NUMB: variants seen among roughly 807,000 people sequenced by gnomAD.
NUMB encodes the protein protein numb homolog.
In NUMB, 29 loss-of-function variants were observed where a neutral mutation model predicts 59.7. The ratio of observed to expected loss-of-function variants is 0.49; its 90% confidence interval spans 0.36 to 0.66. NUMB has a LOEUF of 0.66. NUMB is among the 30% of genes least tolerant of loss of function. NUMB has a pLI of 0.00. For missense variants in NUMB, 723 were observed against 822.0 expected (o/e 0.88, Z 1.47); for synonymous variants, 288 against 288.2 (o/e 1.00, Z 0.01).
At chr14:73,367,999 T>A (rs1279232308) in intron 2 of NUMB, among the ~76,000 whole-genome samples, 2 of 151,846 alleles carry the variant, frequency 1.3e-5, no homozygotes, top group Non-Finnish European at 2.9e-5. Context: ...AAACAAAAAA[T>A]TCCATTTATT....
intron 1 of NUMB, among the ~76,000 whole-genome samples, chr14:73,436,607 C>T (rs2140178329): frequency 6.6e-6 from 1 of 152,126 alleles, no homozygotes; most frequent in East Asian, 1.9e-4. Context: ...CGTGAGCCAC[C>T]GTGCCCAGCT....
At chr14:73,427,604 T>C (rs1369753646) in intron 1 of NUMB, among the ~76,000 whole-genome samples, 4 of 151,894 alleles carry the variant, frequency 2.6e-5, no homozygotes, top group Admixed American at 2.6e-4. Context: ...CTAGAGGCAA[T>C]CAAAACTACT....
intron 1 of NUMB, among the ~76,000 whole-genome samples, chr14:73,424,132 T>TAC (rs1484199182): frequency 1.3e-5 from 2 of 152,100 alleles, no homozygotes; most frequent in African/African-American, 4.8e-5. Flanking sequence ...TCTCTCTCTA[T>TAC]ATATAGAATC....
intron 2 of NUMB, among the ~76,000 whole-genome samples, chr14:73,398,380 GAGAGACAC>G (rs1371463838): frequency 8.1e-6 from 1 of 123,682 alleles, no homozygotes; most frequent in African/African-American, 3.2e-5. Flanking sequence ...GTATATGAGA[GAGAGACAC>G]ACACAGAGAG....
intron 4 of NUMB, among the ~76,000 whole-genome samples, chr14:73,325,629 T>C (rs528576261): frequency 6.6e-6 from 1 of 152,318 alleles, no homozygotes; most frequent in South Asian, 2.1e-4. Flanking sequence ...GCTTCTTCCT[T>C]TTAGGTTGAC....
At chr14:73,369,686 T>A (rs1894566571) in intron 2 of NUMB, among the ~76,000 whole-genome samples, 1 of 152,206 alleles carries the variant, frequency 6.6e-6, no homozygotes, top group African/African-American at 2.4e-5. Flanking sequence ...CTTAAAAGTG[T>A]CCTTAGTAAC....
At chr14:73,357,783 T>C (rs774021415) in intron 3 of NUMB, among the ~76,000 whole-genome samples, 12 of 146,264 alleles carry the variant, frequency 8.2e-5, no homozygotes, top group Non-Finnish European at 1.4e-4. Context: ...AGTAAATAAA[T>C]AAAGGAACAT....
At chr14:73,307,691 G>A (rs1890531391) in intron 6 of NUMB, among the ~76,000 whole-genome samples, 1 of 151,446 alleles carries the variant, frequency 6.6e-6, no homozygotes, top group African/African-American at 2.4e-5. Context: ...GCTACTGGAG[G>A]ACATGGGACA....
In NUMB at chr14:73,290,147, G is replaced by A. The variant is rs558048469; in HGVS notation, c.450+2587C>T. Among the ~76,000 whole-genome samples the A allele has an allele frequency of 2.0e-5, 3 of 152,288 alleles. No homozygotes were observed. In the East Asian group the frequency reaches 5.8e-4, roughly 29 times the overall value. The stretch of plus-strand genomic sequence containing the variant: ...AAAATGGTTTTTAAGTTATTATCTG[G>A]AAACTCTTGAACTCCAGATTTTTAA... On this transcript the variant is annotated intron_variant, in intron 8 of 12. Coordinates refer to ENST00000555238, the MANE Select transcript of NUMB (RefSeq NM_001005743.2).
chr14:73,289,681 A>G (rs930789760), intron 8 of NUMB, among the ~76,000 whole-genome samples: 1 of 152,226 alleles, frequency 6.6e-6, no homozygotes, highest in African/African-American at 2.4e-5. Context: ...ACTTTTTAAA[A>G]AAACTTTTGA....
intron 1 of NUMB, among the ~76,000 whole-genome samples, chr14:73,430,266 G>A (rs1016940669): frequency 6.6e-6 from 1 of 151,990 alleles, no homozygotes; most frequent in Non-Finnish European, 1.5e-5. Flanking sequence ...GACCATTCTG[G>A]TAAGTGTACA....
At chr14:73,382,624 A>G (rs1244633440) in intron 2 of NUMB, among the ~76,000 whole-genome samples, 1 of 152,144 alleles carries the variant, frequency 6.6e-6, no homozygotes, top group African/African-American at 2.4e-5. Context: ...CATAAAACAA[A>G]GCCTCAGATC....
At chr14:73,343,533 C>T (rs554012704) in intron 4 of NUMB, among the ~76,000 whole-genome samples, 2 of 152,316 alleles carry the variant, frequency 1.3e-5, no homozygotes, top group South Asian at 2.1e-4. Context: ...ACAAAGTAAT[C>T]GCTTCCTTAG....
chr14:73,374,719 CTTTTTT>C (rs368185389), intron 2 of NUMB, among the ~76,000 whole-genome samples: 24 of 119,318 alleles, frequency 2.0e-4, no homozygotes, highest in Middle Eastern at 5.4e-3. Context: ...GTTACATTAA[CTTTTTT>C]TTTTTTTTTT....
At chr14:73,370,009 C>T (rs1290273459) in intron 2 of NUMB, among the ~76,000 whole-genome samples, 1 of 152,104 alleles carries the variant, frequency 6.6e-6, no homozygotes. Flanking sequence ...TGGTTTCTTT[C>T]ACTCAATATT....
At chr14:73,360,377 G>A (rs1176203811) in intron 3 of NUMB, among the ~76,000 whole-genome samples, 1 of 152,170 alleles carries the variant, frequency 6.6e-6, no homozygotes, top group Non-Finnish European at 1.5e-5. Flanking sequence ...CCAACAGGGT[G>A]AAACCCTGTC....
Position 73,366,990 on chromosome 14 carries a change from T to C in NUMB, c.-100-9A>G, listed in dbSNP as rs1376586093. On this transcript the variant is annotated splice_polypyrimidine_tract_variant and intron_variant, in intron 2 of 12. Coordinates refer to ENST00000555238, the MANE Select transcript of NUMB (RefSeq NM_001005743.2). ...AGCCTCAGTTTCCTCATCTGTAAAA[T>C]GAGAATAATAAACATCTCACAAAAT... 6.6e-6 allele frequency: 1 copy of C among 152,094 alleles called. No individual in the cohort carries two copies. The highest frequency in any genetic ancestry group is 1.5e-5 in the Non-Finnish European group (1 of 68,028). 9.4% of individuals were successfully genotyped at this position (152,094 alleles called of 1,614,324 possible). A position where few individuals can be genotyped will look rare whatever the true frequency, so the allele number is the denominator to read the frequency against.
At chr14:73,374,556 C>G (rs1894857568) in intron 2 of NUMB, among the ~76,000 whole-genome samples, 1 of 152,018 alleles carries the variant, frequency 6.6e-6, no homozygotes, top group South Asian at 2.1e-4. Flanking sequence ...GAATATTTCT[C>G]CTAGATTCTG....
At chr14:73,335,399 T>C (rs1156632390) in intron 4 of NUMB, among the ~76,000 whole-genome samples, 1 of 152,026 alleles carries the variant, frequency 6.6e-6, no homozygotes, top group African/African-American at 2.4e-5. Flanking sequence ...AAATAAGCTT[T>C]GTGTCTTATT....
Sources: allele counts gnomAD v4.1 joint callset (sites outside exome capture counted in the v4.1 genomes callset), GRCh38; gene constraint gnomAD v4.1.1; transcripts MANE v1.5; gene names NCBI Gene and HGNC (gene_info 2026-07-23, HGNC 2026-07-21).